EML6: variants seen among roughly 807,000 people sequenced by gnomAD.
The protein encoded by EML6 is EMAP like 6.
EML6 carries 154 observed loss-of-function variants against 240.1 expected under a neutral mutation model. The observed-to-expected ratio is 0.64, with a 90% confidence interval of 0.56 to 0.73. The LOEUF (loss-of-function observed/expected upper bound fraction) is 0.73, where lower values mean the gene tolerates loss of function less well. EML6 is among the 30% of genes least tolerant of loss of function. EML6 has a pLI of 0.00. For missense variants in EML6, 2,964 were observed against 2,474.6 expected (o/e 1.20, Z -4.20); for synonymous variants, 1,148 against 899.0 (o/e 1.28, Z -4.95).
intron 5 of EML6, among the ~76,000 whole-genome samples, chr2:54,823,296 G>T (rs1668415852): frequency 6.6e-6 from 1 of 152,148 alleles, no homozygotes; most frequent in Non-Finnish European, 1.5e-5. Flanking sequence ...TTGGTAGGAA[G>T]GGTCGGGAGG....
intron 24 of EML6, among the ~76,000 whole-genome samples, chr2:54,909,653 C>T (rs966410942): frequency 6.6e-6 from 1 of 152,002 alleles, no homozygotes; most frequent in Non-Finnish European, 1.5e-5. Flanking sequence ...CAAGACCACC[C>T]TGGCCAACAT....
chr2:54,933,130 G>A (rs1261326719), intron 28 of EML6, among the ~76,000 whole-genome samples: 1 of 152,080 alleles, frequency 6.6e-6, no homozygotes, highest in Non-Finnish European at 1.5e-5. Context: ...AGTCTCTGTG[G>A]TTCAAAATCA....
chr2:54,771,353 G>A (rs961145222), intron 2 of EML6, among the ~76,000 whole-genome samples: 1 of 152,154 alleles, frequency 6.6e-6, no homozygotes, highest in Non-Finnish European at 1.5e-5. Context: ...AACGCCACAG[G>A]CAACCATTCC....
At chr2:54,788,568 G>A (rs1394930301) in intron 2 of EML6, among the ~76,000 whole-genome samples, 5 of 152,214 alleles carry the variant, frequency 3.3e-5, no homozygotes, top group African/African-American at 1.2e-4. Context: ...TCCAGAGAGA[G>A]ACCTCAAGAC....
intron 28 of EML6, among the ~76,000 whole-genome samples, chr2:54,946,955 G>A (rs1675723859): frequency 6.6e-6 from 1 of 151,008 alleles, no homozygotes; most frequent in Non-Finnish European, 1.5e-5. Context: ...TTGCGTCTGT[G>A]TATATATATA....
At chr2:54,804,661 T>C (rs1670372919) in intron 2 of EML6, among the ~76,000 whole-genome samples, 1 of 152,240 alleles carries the variant, frequency 6.6e-6, no homozygotes, top group Non-Finnish European at 1.5e-5. Context: ...ATCTTTGTAT[T>C]TGTATCAGAA....
At chr2:54,905,321 GACACACACAC>G (rs70944194) in intron 24 of EML6, among the ~76,000 whole-genome samples, 12,254 of 121,552 alleles carry the variant, frequency 0.1, 735 homozygotes, top group Middle Eastern at 0.12. Context: ...TTTAGAATCC[GACACACACAC>G]ACACACACAC....
chr2:54,926,002 G>GA (rs369546370), intron 26 of EML6, among the ~76,000 whole-genome samples: 9 of 152,200 alleles, frequency 5.9e-5, no homozygotes, highest in African/African-American at 2.2e-4. Flanking sequence ...TATAGACAGG[G>GA]AAACTGAAAT....
At chr2:54,734,149 G>T (rs989889725) in intron 2 of EML6, among the ~76,000 whole-genome samples, 13 of 152,100 alleles carry the variant, frequency 8.5e-5, no homozygotes, top group Non-Finnish European at 1.5e-5. Context: ...GACCAGCCTG[G>T]CCAACATGGT....
At chr2:54,905,273 A>C (rs952655958) in intron 24 of EML6, among the ~76,000 whole-genome samples, 1 of 146,490 alleles carries the variant, frequency 6.8e-6, no homozygotes, top group Admixed American at 6.8e-5. Context: ...TTATCTTGCT[A>C]TTCTCTTGCC....
chr2:54,822,909 T>C (rs542226458), intron 5 of EML6, among the ~76,000 whole-genome samples: 46 of 152,356 alleles, frequency 3.0e-4, no homozygotes, highest in African/African-American at 1.0e-3. Context: ...ATCAACACTT[T>C]AGGGCTTCAT....
In EML6 at chr2:54,903,373, A is replaced by C; in HGVS notation, c.3280A>C (p.Thr1094Pro). The change falls in exon 24 of 42, where the codon ACG becomes CCG. Residue 1094 changes from threonine to proline, a missense_variant and splice_region_variant. Physicochemically the swap from Thr to Pro is conservative, Grantham distance 38 (BLOSUM62 -1). Coordinates refer to ENST00000356458, the MANE Select transcript of EML6 (RefSeq NM_001039753.4). ...TAACCCCACATTTTTCTTAACAGAT[A>C]CGGGAAAATACCTTGCCGTGGCATC... ...MISDIKFSKD[T>P]GKYLAVASHD... The C allele has an allele frequency of 6.4e-7, 1 of 1,551,194 alleles. No homozygotes were observed. Among genetic ancestry groups the C allele is most frequent in the South Asian group, 1.2e-5 (1 of 83,928 alleles).
intron 36 of EML6, among the ~76,000 whole-genome samples, chr2:54,963,426 T>G (rs1676612780): frequency 6.6e-6 from 1 of 152,232 alleles, no homozygotes; most frequent in African/African-American, 2.4e-5. Flanking sequence ...GTGCCTACAA[T>G]AACCTTGCAA....
Position 54,725,046 on chromosome 2 carries a change from G to A in EML6, c.-16G>A. ...CGGCGCGCGGGGGGGCGGGGGGCGCGCGGGGTCGGCTTATCATGGCGGATC... is the reference window on the plus strand; with the variant it reads ...CGGCGCGCGGGGGGGCGGGGGGCGCACGGGGTCGGCTTATCATGGCGGATC... On this transcript the variant is annotated 5_prime_UTR_variant, in exon 2 of 42. Transcript: ENST00000356458. The surrounding 1 kb of genome is among the most constrained non-coding windows in gnomAD (Gnocchi z 4.3). 1 of 1,496,522 alleles carries A rather than the reference G, an allele frequency of 6.7e-7. No homozygotes were observed. The allele number at this position is 1,496,522 out of a possible 1,614,324, so 92.7% of individuals were successfully genotyped here.
intron 2 of EML6, among the ~76,000 whole-genome samples, chr2:54,733,163 A>G (rs1202821939): frequency 6.6e-6 from 1 of 152,016 alleles, no homozygotes; most frequent in Non-Finnish European, 1.5e-5. Context: ...AGGCCAGCCT[A>G]CCTCCCGGGG....
chr2:54,854,287 T>A (rs1670253272), intron 11 of EML6, among the ~76,000 whole-genome samples: 1 of 152,244 alleles, frequency 6.6e-6, no homozygotes, highest in Admixed American at 6.5e-5. Context: ...GATAATAGTT[T>A]ATGGACCTCT....
chr2:54,796,117 G>T (rs558934845), intron 2 of EML6, among the ~76,000 whole-genome samples: 3 of 151,858 alleles, frequency 2.0e-5, no homozygotes, highest in Admixed American at 1.3e-4. Flanking sequence ...GGAAATAAAG[G>T]CAAGTATGAT....
At chr2:54,908,945 T>C (rs1404378130) in intron 24 of EML6, among the ~76,000 whole-genome samples, 1 of 152,220 alleles carries the variant, frequency 6.6e-6, no homozygotes, top group Non-Finnish European at 1.5e-5. Context: ...ACAAGCTGTC[T>C]ACAATGCTAC....
Position 54,957,783 on chromosome 2 carries a change from C to T in EML6, c.4487-7C>T. On this transcript the variant is annotated splice_region_variant and splice_polypyrimidine_tract_variant and intron_variant, in intron 32 of 41. Transcript: ENST00000356458. Reference sequence around the variant, plus strand: ...AGGAGCCTCACTGGACTCTGTCACCCACACAGGTGCCAAGGTTGCCAGCCG... The same window carrying T: ...AGGAGCCTCACTGGACTCTGTCACCTACACAGGTGCCAAGGTTGCCAGCCG... 1.3e-6 allele frequency: 2 copies of T among 1,549,524 alleles called. No homozygotes were observed. Among genetic ancestry groups the T allele is most frequent in the South Asian group, 2.4e-5 (2 of 83,966 alleles).
Sources: allele counts gnomAD v4.1 joint callset (sites outside exome capture counted in the v4.1 genomes callset), GRCh38; gene constraint gnomAD v4.1.1; non-coding constraint Gnocchi (gnomAD v3.1); transcripts MANE v1.5; gene names NCBI Gene and HGNC (gene_info 2026-07-23, HGNC 2026-07-21).